Variants in TANC2 observed in about 807,000 individuals in gnomAD.
The protein encoded by TANC2 is protein TANC2.
A neutral mutation model predicts 210.5 loss-of-function variants in TANC2; 26 were observed. The observed-to-expected ratio is 0.12, with a 90% CI of 0.09 to 0.17. The LOEUF (loss-of-function observed/expected upper bound fraction) is 0.17. TANC2 is among the 10% of genes least tolerant of loss of function. The pLI is 1.00. For synonymous variants in TANC2, 931 were observed against 967.1 expected (o/e 0.96, Z 0.69); for missense variants, 2,129 against 2,608.9 (o/e 0.82, Z 4.01).
chr17:63,374,606 T>C (rs1482273473), intron 14 of TANC2, among the ~76,000 whole-genome samples: 1 of 152,068 alleles, frequency 6.6e-6, no homozygotes, highest in Non-Finnish European at 1.5e-5. Flanking sequence ...GAGTTGCCAT[T>C]TGAAGAATGA....
chr17:63,288,788 G>A lies in TANC2; in HGVS notation c.1159+20915G>A, dbSNP rs930225071. Among the ~76,000 whole-genome samples, 6 of 151,684 alleles carry A rather than the reference G, an allele frequency of 4.0e-5. No individual in the cohort carries two copies. The East Asian group carries it at 1.2e-3, about 29-fold the overall frequency. ...TACCTTCACTTATTCCTTCTTTAGTGCTTTTCCTTCCTTTATGTAGATTTT... is the reference window on the plus strand; with the variant it reads ...TACCTTCACTTATTCCTTCTTTAGTACTTTTCCTTCCTTTATGTAGATTTT... On this transcript the variant is annotated intron_variant, in intron 9 of 27. Coordinates refer to ENST00000689528, the Ensembl canonical transcript of TANC2.
At chr17:63,381,283 T>C (rs1354216347) in intron 15 of TANC2, 1 of 152,232 alleles carries the variant, frequency 6.6e-6, no homozygotes, top group Non-Finnish European at 1.5e-5. Context: ...GCAGACAGCA[T>C]GGTTGCCTGA....
At chr17:63,358,379 AT>A (rs2046847319) in intron 14 of TANC2, among the ~76,000 whole-genome samples, 13 of 139,644 alleles carry the variant, frequency 9.3e-5, no homozygotes, top group African/African-American at 3.3e-4. Flanking sequence ...GAGAGAGAGT[AT>A]GTGTGTGTGT....
chr17:63,018,129 GA>G (rs1265259616), intron 2 of TANC2, among the ~76,000 whole-genome samples: 4 of 150,060 alleles, frequency 2.7e-5, no homozygotes, highest in East Asian at 3.9e-4. Flanking sequence ...CCCTGTCTAT[GA>G]AAAAAAAAGA....
At position 63,188,825 on chromosome 17, in the gene TANC2, C is replaced by A. The variant is rs1598566729; in HGVS notation, c.434-5166C>A. ...AAAATACATCCTTTTAAGATGTACACCTCAGTGATACTTTAGTATATTTAC... is the reference window on the plus strand; with the variant it reads ...AAAATACATCCTTTTAAGATGTACAACTCAGTGATACTTTAGTATATTTAC... On this transcript the variant is annotated intron_variant, in intron 5 of 27. Coordinates refer to ENST00000689528, the Ensembl canonical transcript of TANC2. Among the ~76,000 whole-genome samples, 3 of 152,024 alleles carry A rather than the reference C, an allele frequency of 2.0e-5. No homozygotes were observed. The South Asian group carries it at 6.2e-4, about 32-fold the overall frequency.
At chr17:63,054,788 G>C (rs1441249546) in intron 2 of TANC2, among the ~76,000 whole-genome samples, 1 of 152,102 alleles carries the variant, frequency 6.6e-6, no homozygotes, top group East Asian at 1.9e-4. Flanking sequence ...AGTGTATCCA[G>C]TTCTTGCAGA....
intron 4 of TANC2, among the ~76,000 whole-genome samples, chr17:63,110,196 GT>G (rs1450999903): frequency 1.3e-5 from 2 of 151,566 alleles, no homozygotes; most frequent in Admixed American, 6.6e-5. Context: ...GTTCTGTGAA[GT>G]TCCTGCATGG....
chr17:63,319,151 G>C, intron 11 of TANC2, 61 bp downstream of exon 11: 1 of 1,538,716 alleles, frequency 6.5e-7, no homozygotes, highest in Non-Finnish European at 8.8e-7. Context: ...AGGAAGCAAA[G>C]ATAGGGAGAC....
chr17:63,418,836 G>A lies in TANC2; in HGVS notation c.4268+429G>A, dbSNP rs553693514. ...TCTTCCTTCTCCCATAGGCGTTTGAGGAATCCCGGATTAGTTAGTCTTCCC... is the reference window on the plus strand; with the variant it reads ...TCTTCCTTCTCCCATAGGCGTTTGAAGAATCCCGGATTAGTTAGTCTTCCC... On this transcript the variant is annotated intron_variant, in intron 27 of 27. Coordinates refer to ENST00000689528, the Ensembl canonical transcript of TANC2. The surrounding 1 kb of genome is among the most constrained non-coding windows in gnomAD (Gnocchi z 4.6). Among the ~76,000 whole-genome samples the A allele has an allele frequency of 1.7e-3, 258 of 152,228 alleles. 1 individual carries two copies. The highest frequency in any genetic ancestry group is 3.4e-3 in the Middle Eastern group (1 of 294).
chr17:63,351,750 G>T (rs1019888875), intron 13 of TANC2, among the ~76,000 whole-genome samples: 1 of 152,046 alleles, frequency 6.6e-6, no homozygotes, highest in African/African-American at 2.4e-5. Context: ...AACATTTTTT[G>T]ATCATTTAAT....
Position 63,418,415 on chromosome 17 carries a change from G to C in TANC2, c.4268+8G>C. 6.2e-7 allele frequency: 1 copy of C among 1,607,344 alleles called. No individual in the cohort carries two copies. On this transcript the variant is annotated splice_region_variant and intron_variant, in intron 27 of 27. Transcript: ENST00000689528. This position sits in a 1 kb window ranked among gnomAD's most constrained non-coding sequence, Gnocchi z 4.6. ...GGCAAAACGCAGCAGCAGGTGAGGA[G>C]AGAGAGAGAGGGTGAAAGCAAGAGG...
At position 63,359,765 on chromosome 17, in the gene TANC2, T is replaced by C. The variant is rs1360739861; in HGVS notation, c.2582+4375T>C. On this transcript the variant is annotated intron_variant, in intron 14 of 27. Coordinates refer to ENST00000689528, the Ensembl canonical transcript of TANC2. ...ATTGTGATGTGGGAGCCTAAGGTTG[T>C]GATGTGGGAGCCTAATTTGGTTTGA... Among the ~76,000 whole-genome samples, 8 of 152,192 alleles carry C rather than the reference T, an allele frequency of 5.3e-5. 1 individual carries two copies. The highest frequency in any genetic ancestry group is 1.9e-4 in the African/African-American group (8 of 41,452).
intron 2 of TANC2, among the ~76,000 whole-genome samples, chr17:63,041,218 C>CTA (rs2144260531): frequency 6.6e-6 from 1 of 152,228 alleles, no homozygotes; most frequent in South Asian, 2.1e-4. Flanking sequence ...CTCATTTGTA[C>CTA]TATATTTCTT....
chr17:63,009,654 C>G, intron 2 of TANC2, 28 bp downstream of exon 2: 1 of 1,593,916 alleles, frequency 6.3e-7, no homozygotes, highest in Non-Finnish European at 8.6e-7. Context: ...ATTTATTGTG[C>G]GTGATATTTT....
At chr17:63,330,465 A>T (rs965523199) in intron 11 of TANC2, among the ~76,000 whole-genome samples, 2 of 152,060 alleles carry the variant, frequency 1.3e-5, no homozygotes. Context: ...TTTATTCAGG[A>T]TCATAATTTG....
chr17:63,187,581 T>G (rs1009331876), intron 5 of TANC2, among the ~76,000 whole-genome samples: 1 of 152,082 alleles, frequency 6.6e-6, no homozygotes, highest in Non-Finnish European at 1.5e-5. Flanking sequence ...ATGTGTGTGT[T>G]TGTGTATATA....
At chr17:63,214,005 AAG>A (rs1287090965) in intron 7 of TANC2, among the ~76,000 whole-genome samples, 2 of 152,190 alleles carry the variant, frequency 1.3e-5, no homozygotes, top group African/African-American at 4.8e-5. Context: ...CAGGAAAGGA[AAG>A]AGAAAAAATG....
At chr17:63,144,782 T>C (rs1020612321) in intron 4 of TANC2, among the ~76,000 whole-genome samples, 1 of 152,206 alleles carries the variant, frequency 6.6e-6, no homozygotes, top group Admixed American at 6.5e-5. Context: ...ATTTGCATTA[T>C]GAAGAGTCAG....
intron 2 of TANC2, among the ~76,000 whole-genome samples, chr17:63,049,816 G>T (rs942380604): frequency 2.6e-5 from 4 of 152,140 alleles, no homozygotes; most frequent in Non-Finnish European, 5.9e-5. Context: ...TGGGACTCAG[G>T]GTGGTGGTAG....
Sources: allele counts gnomAD v4.1 joint callset (sites outside exome capture counted in the v4.1 genomes callset), GRCh38; gene constraint gnomAD v4.1.1; non-coding constraint Gnocchi (gnomAD v3.1); transcripts MANE v1.5; gene names NCBI Gene and HGNC (gene_info 2026-07-23, HGNC 2026-07-21).